CEP128: variants seen among roughly 807,000 people sequenced by gnomAD.
CEP128 encodes centrosomal protein 128kDa.
CEP128 carries 132 observed loss-of-function variants against 156.7 expected under a neutral mutation model. The ratio of observed to expected loss-of-function variants is 0.84; its 90% CI spans 0.73 to 0.97. The LOEUF (loss-of-function observed/expected upper bound fraction) is 0.97. Ranked by LOEUF, CEP128 falls within the 50% of genes least tolerant of loss-of-function variation. The pLI is 0.00. For missense variants in CEP128, 1,252 were observed against 1,281.9 expected, an observed-to-expected ratio of 0.98 and a Z score of 0.36; for synonymous variants, 469 against 448.9, an observed-to-expected ratio of 1.04 and a Z score of -0.57.
At chr14:80,849,688 A>T (rs1310846265) in intron 9 of CEP128, among the ~76,000 whole-genome samples, 1 of 152,136 alleles carries the variant, frequency 6.6e-6, no homozygotes, top group Non-Finnish European at 1.5e-5. Flanking sequence ...TAGAAACACA[A>T]TGAGTCATGA....
chr14:80,549,196 C>T (rs772285047), intron 21 of CEP128, among the ~76,000 whole-genome samples: 2 of 152,128 alleles, frequency 1.3e-5, no homozygotes, highest in African/African-American at 2.4e-5. Context: ...AGGATATTTC[C>T]GTTTGCCCTC....
chr14:80,667,207 T>C (rs1349219420), intron 19 of CEP128, among the ~76,000 whole-genome samples: 1 of 152,012 alleles, frequency 6.6e-6, no homozygotes, highest in African/African-American at 2.4e-5. Context: ...CAGGTAAGGG[T>C]ACAGACATTA....
intron 9 of CEP128, among the ~76,000 whole-genome samples, chr14:80,844,192 CA>C (rs548182892): frequency 1.4e-5 from 2 of 145,480 alleles, no homozygotes; most frequent in Admixed American, 6.9e-5. Context: ...CTTTTCAAGG[CA>C]AAAAAAAACA....
intron 2 of CEP128, chr14:80,955,702 C>G: frequency 1.9e-6 from 3 of 1,614,110 alleles, no homozygotes; most frequent in South Asian, 1.1e-5. Flanking sequence ...GGACTTGCTG[C>G]AGCTGGTGCT....
At chr14:80,913,524 G>A (rs7140452) in intron 4 of CEP128, among the ~76,000 whole-genome samples, 1 of 151,998 alleles carries the variant, frequency 6.6e-6, no homozygotes, top group Non-Finnish European at 1.5e-5. Context: ...TCAAAGGGAG[G>A]TTGGATAGAA....
At position 80,831,161 on chromosome 14, in the gene CEP128, A is replaced by C; in HGVS notation, c.1191T>G (p.His397Gln). ...CMERKDKEKA[H>Q]LASQVENLTR... is the part of the protein sequence containing the mutation. ...AAGTCACCTCTACTTGTGATGCCAAATGTGCTTTCTCCTTGTCTTTTCTCT... is the reference window on the plus strand; with the variant it reads ...AAGTCACCTCTACTTGTGATGCCAACTGTGCTTTCTCCTTGTCTTTTCTCT... The change falls in exon 13 of 25, where the codon CAT becomes CAG. Residue 397 changes from histidine to glutamine, a missense_variant. By Grantham distance (24) the His-to-Gln change is conservative. Transcript: ENST00000555265. 3.7e-6 allele frequency: 6 copies of C among 1,613,962 alleles called. No individual in the cohort carries two copies. The highest frequency in any genetic ancestry group is 1.3e-5 in the African/African-American group (1 of 75,034).
intron 19 of CEP128, among the ~76,000 whole-genome samples, chr14:80,621,785 T>C (rs767542350): frequency 1.3e-5 from 2 of 152,204 alleles, no homozygotes; most frequent in Non-Finnish European, 2.9e-5. Flanking sequence ...ACTCCGTTTG[T>C]AAGGGGTTTC....
chr14:80,677,645 A>G (rs757495192), intron 19 of CEP128, among the ~76,000 whole-genome samples: 7 of 152,146 alleles, frequency 4.6e-5, no homozygotes, highest in Admixed American at 2.0e-4. Context: ...AAAATCACTT[A>G]AGGAAGTTGT....
In CEP128 at chr14:80,822,803, T is replaced by C; in HGVS notation, c.1209+8340A>G. On this transcript the variant is annotated intron_variant, in intron 13 of 24. Coordinates refer to ENST00000555265, the MANE Select transcript of CEP128 (RefSeq NM_152446.5). ...TGCTGGAGACGCCAAGTGAAGTGTG[T>C]GCATTTTTGATAACTGTGTAAACTT... 4.0e-6 allele frequency: 3 copies of C among 747,968 alleles called. No homozygotes were observed. In the South Asian group the frequency reaches 4.0e-5, roughly 10 times the overall value. 46.3% of individuals were successfully genotyped at this position (747,968 alleles called of 1,614,324 possible).
At chr14:80,763,582 T>G (rs1900076805) in intron 16 of CEP128, among the ~76,000 whole-genome samples, 1 of 152,204 alleles carries the variant, frequency 6.6e-6, no homozygotes, top group Non-Finnish European at 1.5e-5. Flanking sequence ...TCTTTCTTCC[T>G]GAACTCCTGA....
chr14:80,936,309 G>C lies in CEP128; in HGVS notation c.-16+3076C>G, dbSNP rs537965807. On this transcript the variant is annotated intron_variant, in intron 2 of 24. Coordinates refer to ENST00000555265, the MANE Select transcript of CEP128 (RefSeq NM_152446.5). ...AAGTGGGAGGATCACTTGAACCTGG[G>C]AGGTCGAGGCTGCAGTGATCCAAGA... is the stretch of plus-strand genomic sequence containing the variant. Among the ~76,000 whole-genome samples, 3 of 152,292 alleles carry C rather than the reference G, an allele frequency of 2.0e-5. No homozygotes were observed. In the East Asian group the frequency reaches 5.8e-4, roughly 29 times the overall value.
chr14:80,749,704 G>T (rs781293251), intron 18 of CEP128, among the ~76,000 whole-genome samples: 4 of 152,090 alleles, frequency 2.6e-5, no homozygotes, highest in South Asian at 2.1e-4. Context: ...GTATTTGATA[G>T]TACAACAGGG....
intron 19 of CEP128, among the ~76,000 whole-genome samples, chr14:80,708,337 G>C (rs942026093): frequency 6.6e-6 from 1 of 152,102 alleles, no homozygotes; most frequent in Non-Finnish European, 1.5e-5. Context: ...AGCAATGTTT[G>C]AAAGGGTCTA....
intron 21 of CEP128, among the ~76,000 whole-genome samples, chr14:80,534,054 G>C (rs1221747301): frequency 2.0e-5 from 3 of 152,156 alleles, no homozygotes; most frequent in African/African-American, 4.8e-5. Context: ...AAGTAATGAA[G>C]ACAATGAGTC....
chr14:80,847,330 C>T (rs1251380342), intron 9 of CEP128, among the ~76,000 whole-genome samples: 3 of 152,128 alleles, frequency 2.0e-5, no homozygotes, highest in Non-Finnish European at 4.4e-5. Context: ...GTCAATCATT[C>T]TTCACCATCC....
chr14:80,606,365 A>G (rs183697900), intron 19 of CEP128, among the ~76,000 whole-genome samples: 1 of 152,266 alleles, frequency 6.6e-6, no homozygotes, highest in African/African-American at 2.4e-5. Context: ...GGAAAATGCA[A>G]AAAATATAGA....
At position 80,515,375 on chromosome 14, in the gene CEP128, G is replaced by A. The variant is rs573726180; in HGVS notation, c.3073-10355C>T. Among the ~76,000 whole-genome samples the A allele has an allele frequency of 5.3e-5, 8 of 152,276 alleles. No individual in the cohort carries two copies. The East Asian group carries it at 1.2e-3, about 22-fold the overall frequency. On this transcript the variant is annotated intron_variant, in intron 23 of 24. Transcript: ENST00000555265. The stretch of plus-strand genomic sequence containing the variant: ...ACTTTATGAATCTACTTGGTGCTCT[G>A]TTCTACTGAGGCTGAGCTGACACAT...
In CEP128 at chr14:80,743,188, C is replaced by A. The variant is rs773506062; in HGVS notation, c.2693G>T (p.Cys898Phe). 4 of 1,613,686 alleles carry A rather than the reference C, an allele frequency of 2.5e-6. No individual in the cohort carries two copies. In the Admixed American group the frequency reaches 6.7e-5, roughly 27 times the overall value. ...EKNLRHQLML[C>F]RQQLRNLTEN... ...AGTCAAATTCCTGAGTTGTTGTCTG[C>A]AGAGCATCAGCTGGTGTCGCAGATT... Residue 898 changes from cysteine (C) to phenylalanine (F), a missense_variant, in exon 19 of 25, where the codon TGC becomes TTC. Cys to Phe is a radical substitution (Grantham distance 205, BLOSUM62 -2). Coordinates refer to ENST00000555265, the MANE Select transcript of CEP128 (RefSeq NM_152446.5).
chr14:80,601,049 A>G (rs1892559870), intron 19 of CEP128, among the ~76,000 whole-genome samples: 1 of 152,112 alleles, frequency 6.6e-6, no homozygotes, highest in Non-Finnish European at 1.5e-5. Flanking sequence ...TCCTAGGGCA[A>G]TCATTAAGAA....
Sources: allele counts gnomAD v4.1 joint callset (sites outside exome capture counted in the v4.1 genomes callset), GRCh38; gene constraint gnomAD v4.1.1; transcripts MANE v1.5; gene names NCBI Gene and HGNC (gene_info 2026-07-23, HGNC 2026-07-21).